The following HS2ST1 variants were observed in gnomAD, a reference collection of about 807,000 sequenced individuals.
HS2ST1 encodes heparan sulfate 2-O-sulfotransferase 1, also known as 2-O-sulfotransferase.
Under a neutral mutation model 42.9 loss-of-function variants are expected in HS2ST1, and 18 were observed. That is an observed-to-expected ratio of 0.42 (90% CI 0.29 to 0.62). HS2ST1 has a LOEUF of 0.62. Among genes scored for constraint, HS2ST1 ranks in the 20% least tolerant of loss-of-function variants. The pLI, the probability that HS2ST1 is intolerant of heterozygous loss-of-function variation, is 0.21. For synonymous variants in HS2ST1, 146 were observed against 152.9 expected (o/e 0.95, Z 0.33); for missense variants, 334 against 433.8 (o/e 0.77, Z 2.04).
chr1:86,936,349 A>T (rs953569484), intron 1 of HS2ST1, among the ~76,000 whole-genome samples: 1 of 152,140 alleles, frequency 6.6e-6, no homozygotes, highest in African/African-American at 2.4e-5. Context: ...GCTAGGCTAG[A>T]TTTCCAAATT....
rs138403500 is a variant in HS2ST1 at position 87,011,260 on chromosome 1, C to G, written c.125-61674C>G. The stretch of plus-strand genomic sequence containing the variant: ...TACCAAAATTTTTTCCTCTGGCATT[C>G]TTTTTATTATTATTTTTTAAATTTT... On this transcript the variant is annotated intron_variant, in intron 1 of 6. Coordinates refer to ENST00000370550, the MANE Select transcript of HS2ST1 (RefSeq NM_012262.4). Among the ~76,000 whole-genome samples the G allele has an allele frequency of 2.1e-3, 322 of 151,564 alleles. 3 individuals carry two copies. Among genetic ancestry groups the G allele is most frequent in the Non-Finnish European group, 3.7e-3 (248 of 67,830 alleles).
At chr1:86,970,549 C>G (rs982248384) in intron 1 of HS2ST1, among the ~76,000 whole-genome samples, 1 of 152,056 alleles carries the variant, frequency 6.6e-6, no homozygotes. Flanking sequence ...TACAGGCGTG[C>G]ACCACCATGC....
At chr1:87,076,668 G>A (rs909383007) in intron 2 of HS2ST1, among the ~76,000 whole-genome samples, 1 of 152,142 alleles carries the variant, frequency 6.6e-6, no homozygotes, top group Non-Finnish European at 1.5e-5. Context: ...GAGAGGAATT[G>A]GCAAGAGATA....
At chr1:87,021,070 G>T (rs989503786) in intron 1 of HS2ST1, among the ~76,000 whole-genome samples, 6 of 152,152 alleles carry the variant, frequency 3.9e-5, no homozygotes, top group Non-Finnish European at 8.8e-5. Context: ...AGTTAGTCAA[G>T]AGGTAACTTA....
At chr1:87,014,497 A>C (rs1056948492) in intron 1 of HS2ST1, among the ~76,000 whole-genome samples, 11 of 152,248 alleles carry the variant, frequency 7.2e-5, no homozygotes, top group African/African-American at 2.7e-4. Context: ...GCACACAGCC[A>C]AACCATATCA....
intron 1 of HS2ST1, among the ~76,000 whole-genome samples, chr1:86,984,218 A>G (rs1648691859): frequency 6.6e-6 from 1 of 152,172 alleles, no homozygotes; most frequent in Non-Finnish European, 1.5e-5. Context: ...ATTAATATGT[A>G]TATTTGGAGT....
At chr1:87,056,562 C>T (rs1210571356) in intron 1 of HS2ST1, among the ~76,000 whole-genome samples, 7 of 152,034 alleles carry the variant, frequency 4.6e-5, no homozygotes, top group Non-Finnish European at 5.9e-5. Flanking sequence ...GTGAACTTGT[C>T]GCTGTAAGGA....
intron 1 of HS2ST1, chr1:87,045,856 G>T: frequency 1.4e-6 from 1 of 719,154 alleles, no homozygotes; most frequent in South Asian, 1.4e-5. Context: ...TCTGCTAAAT[G>T]AACTCTCAGA....
At chr1:86,955,697 A>C (rs1340090433) in intron 1 of HS2ST1, among the ~76,000 whole-genome samples, 1 of 152,154 alleles carries the variant, frequency 6.6e-6, no homozygotes. Context: ...AACAAAAACA[A>C]AAAAATGGCC....
chr1:87,053,156 G>A (rs544306994), intron 1 of HS2ST1, among the ~76,000 whole-genome samples: 1 of 152,328 alleles, frequency 6.6e-6, no homozygotes, highest in Non-Finnish European at 1.5e-5. Context: ...AAACCCAGCT[G>A]GAGTTGAATC....
chr1:86,946,869 ACTTG>A, intron 1 of HS2ST1, among the ~76,000 whole-genome samples: 1 of 152,254 alleles, frequency 6.6e-6, no homozygotes, highest in South Asian at 2.1e-4. Flanking sequence ...AAAAACTTAG[ACTTG>A]TGAGACCTCT....
chr1:86,941,605 C>T (rs772446312), intron 1 of HS2ST1, among the ~76,000 whole-genome samples: 42 of 152,006 alleles, frequency 2.8e-4, no homozygotes, highest in Non-Finnish European at 5.9e-5. Context: ...AACCCTGTCT[C>T]TACTGAAAAT....
chr1:86,997,274 A>G (rs1649131427), intron 1 of HS2ST1, among the ~76,000 whole-genome samples: 2 of 152,178 alleles, frequency 1.3e-5, no homozygotes, highest in African/African-American at 2.4e-5. Flanking sequence ...TTCTCCTTCA[A>G]GTATGGTAGT....
intron 1 of HS2ST1, among the ~76,000 whole-genome samples, chr1:87,013,949 A>G (rs969979995): frequency 2.6e-5 from 4 of 152,152 alleles, no homozygotes; most frequent in African/African-American, 9.7e-5. Context: ...AGTTCCCAGA[A>G]GTTTCTCATC....
chr1:87,054,774 T>G (rs1341742526), intron 1 of HS2ST1, among the ~76,000 whole-genome samples: 2 of 152,172 alleles, frequency 1.3e-5, no homozygotes, highest in East Asian at 3.8e-4. Context: ...TTCAAGGTAC[T>G]GTGGAGAATG....
At chr1:87,071,832 A>G (rs1214532271) in intron 1 of HS2ST1, among the ~76,000 whole-genome samples, 1 of 151,772 alleles carries the variant, frequency 6.6e-6, no homozygotes, top group Non-Finnish European at 1.5e-5. Context: ...GAAATGGAAG[A>G]TTGTTCAAGA....
chr1:87,091,802 C>T (rs1651951729), intron 3 of HS2ST1, among the ~76,000 whole-genome samples: 1 of 151,996 alleles, frequency 6.6e-6, no homozygotes, highest in Non-Finnish European at 1.5e-5. Context: ...GCCAGTTGTA[C>T]AGTTCTAGGG....
chr1:87,029,735 C>T (rs1367143556), intron 1 of HS2ST1, among the ~76,000 whole-genome samples: 1 of 151,930 alleles, frequency 6.6e-6, no homozygotes, highest in East Asian at 1.9e-4. Flanking sequence ...GAAGAGGTAC[C>T]TAATTTAGCT....
At chr1:87,016,385 T>G (rs1184435348) in intron 1 of HS2ST1, among the ~76,000 whole-genome samples, 2 of 152,132 alleles carry the variant, frequency 1.3e-5, no homozygotes, top group Admixed American at 6.6e-5. Flanking sequence ...TCTAATGCAG[T>G]TTTTTTCCAG....
Sources: allele counts gnomAD v4.1 joint callset (sites outside exome capture counted in the v4.1 genomes callset), GRCh38; gene constraint gnomAD v4.1.1; transcripts MANE v1.5; gene names NCBI Gene and HGNC (gene_info 2026-07-23, HGNC 2026-07-21).